The following TBCK variants were observed in gnomAD, a reference collection of about 807,000 sequenced individuals.
TBCK encodes TBC1 domain containing kinase, also known as TBC domain-containing protein kinase-like protein.
In TBCK, 99 loss-of-function variants were observed where a neutral mutation model predicts 113.4. That is an observed-to-expected ratio of 0.87 (90% CI 0.74 to 1.03). The LOEUF (loss-of-function observed/expected upper bound fraction) is 1.03, where lower values mean the gene tolerates loss of function less well. TBCK is among the 50% of genes least tolerant of loss of function. The pLI is 0.00. For missense variants in TBCK, 1,045 were observed against 1,061.3 expected, an observed-to-expected ratio of 0.98 and a Z score of 0.21; for synonymous variants, 369 against 370.8, an observed-to-expected ratio of 1.00 and a Z score of 0.05.
intron 24 of TBCK, among the ~76,000 whole-genome samples, chr4:106,098,938 CACAG>C (rs1290482275): frequency 1.3e-5 from 2 of 151,978 alleles, no homozygotes; most frequent in Non-Finnish European, 2.9e-5. Context: ...TAGCCCAATG[CACAG>C]ACAGATTTAA....
At chr4:106,123,499 C>T (rs1250536654) in intron 23 of TBCK, among the ~76,000 whole-genome samples, 1 of 152,178 alleles carries the variant, frequency 6.6e-6, no homozygotes, top group African/African-American at 2.4e-5. Flanking sequence ...CAATGACTTT[C>T]TTCACAGAAT....
At chr4:106,289,868 T>G (rs183705708) in intron 3 of TBCK, among the ~76,000 whole-genome samples, 1 of 152,098 alleles carries the variant, frequency 6.6e-6, no homozygotes, top group South Asian at 2.1e-4. Context: ...TACAATGATC[T>G]CTCAATCAGT....
intron 23 of TBCK, among the ~76,000 whole-genome samples, chr4:106,133,014 C>A (rs941797780): frequency 6.6e-6 from 1 of 152,166 alleles, no homozygotes; most frequent in Non-Finnish European, 1.5e-5. Context: ...AGACTTTGGA[C>A]TGTGGACTTT....
intron 25 of TBCK, among the ~76,000 whole-genome samples, chr4:106,094,519 G>T (rs1201844026): frequency 6.6e-6 from 1 of 152,140 alleles, no homozygotes; most frequent in African/African-American, 2.4e-5. Context: ...AAAAAATAAA[G>T]TTTTAAAGTT....
chr4:106,241,693 T>C (rs1760160647), intron 12 of TBCK, among the ~76,000 whole-genome samples: 5 of 151,938 alleles, frequency 3.3e-5, no homozygotes, highest in Admixed American at 6.6e-5. Context: ...AAATATGATA[T>C]TGGATACCTT....
At chr4:106,089,235 A>G (rs781133986) in intron 25 of TBCK, among the ~76,000 whole-genome samples, 6 of 152,016 alleles carry the variant, frequency 3.9e-5, no homozygotes, top group Non-Finnish European at 7.4e-5. Flanking sequence ...GCTCCTTTAA[A>G]CCATCAACTC....
At chr4:106,106,516 T>A (rs369975484) in intron 24 of TBCK, among the ~76,000 whole-genome samples, 6 of 152,134 alleles carry the variant, frequency 3.9e-5, no homozygotes, top group African/African-American at 1.4e-4. Context: ...AAAAAATCTT[T>A]AACCAAGAAT....
Position 106,262,133 on chromosome 4 carries a change from C to T in TBCK, c.346G>A (p.Ala116Thr). The change falls in exon 4 of 26, where the codon GCA becomes ACA. Residue 116 changes from alanine (A) to threonine (T), a missense_variant. Ala to Thr is a moderately conservative substitution (Grantham distance 58). Transcript: ENST00000394708. Reference protein sequence around the residue: ...YMNKHGIVHRALSPHNILLDR... With the variant: ...YMNKHGIVHRTLSPHNILLDR... ...AACAGGATATTATGAGGAGACAATGCCCTGTGTACTATACCATGTTTGTTC... is the reference window on the plus strand; with the variant it reads ...AACAGGATATTATGAGGAGACAATGTCCTGTGTACTATACCATGTTTGTTC... 1 of 1,545,070 alleles carries T rather than the reference C, an allele frequency of 6.5e-7. No individual in the cohort carries two copies. Among genetic ancestry groups the T allele is most frequent in the Non-Finnish European group, 8.8e-7 (1 of 1,142,752 alleles).
chr4:106,067,917 G>A (rs1231928555), intron 25 of TBCK, among the ~76,000 whole-genome samples: 2 of 152,074 alleles, frequency 1.3e-5, no homozygotes, highest in Non-Finnish European at 2.9e-5. Flanking sequence ...AAATCAAGAA[G>A]TATGAGTCCT....
In TBCK at chr4:106,045,746, A is replaced by AGAT. The variant is rs1734164041; in HGVS notation, c.*821_*823dup. ...CTCCTTCCCTCATTCTCTTCCTTCT[A>AGAT]GATAGCAGATGTGATGGTAGAAGCT... On this transcript the variant is annotated 3_prime_UTR_variant, in exon 26 of 26. Transcript: ENST00000394708. 6.6e-6 allele frequency: 1 copy of AGAT among 151,276 alleles called. No individual in the cohort carries two copies. The highest frequency in any genetic ancestry group is 2.4e-5 in the African/African-American group (1 of 41,044). The allele number at this position is 151,276 out of a possible 1,614,324, so 9.4% of individuals were successfully genotyped here. A position where few individuals can be genotyped will look rare whatever the true frequency, so the allele number is the denominator to read the frequency against.
intron 19 of TBCK, 69 bp downstream of exon 19, chr4:106,230,294 A>T: frequency 1.0e-6 from 1 of 972,158 alleles, no homozygotes; most frequent in East Asian, 2.7e-5. Context: ...AAATTTAATC[A>T]AATATTACAT....
chr4:106,160,167 A>C (rs1332441315), intron 23 of TBCK, among the ~76,000 whole-genome samples: 1 of 152,102 alleles, frequency 6.6e-6, no homozygotes, highest in Non-Finnish European at 1.5e-5. Context: ...AAAAACTTTA[A>C]GACTCTTAGA....
At chr4:106,297,109 A>T (rs147178090) in intron 2 of TBCK, among the ~76,000 whole-genome samples, 516 of 152,254 alleles carry the variant, frequency 3.4e-3, no homozygotes, top group Non-Finnish European at 4.3e-3. Flanking sequence ...CCAAATTGAA[A>T]TGCTACCAGT....
At chr4:106,089,835 G>C (rs759398005) in intron 25 of TBCK, among the ~76,000 whole-genome samples, 1 of 152,204 alleles carries the variant, frequency 6.6e-6, no homozygotes, top group Non-Finnish European at 1.5e-5. Context: ...TGAAGGCCTT[G>C]GACAGGTTTG....
chr4:106,076,333 CACTAT>C (rs1275354122), intron 25 of TBCK, among the ~76,000 whole-genome samples: 1 of 152,146 alleles, frequency 6.6e-6, no homozygotes, highest in Non-Finnish European at 1.5e-5. Context: ...AGTGTATCTG[CACTAT>C]AATTGAAAGT....
At chr4:106,272,720 C>T (rs547039857) in intron 3 of TBCK, among the ~76,000 whole-genome samples, 1 of 152,020 alleles carries the variant, frequency 6.6e-6, no homozygotes, top group South Asian at 2.1e-4. Flanking sequence ...TGGTCTCAAT[C>T]TCCTGACCTC....
intron 22 of TBCK, among the ~76,000 whole-genome samples, chr4:106,186,369 T>C (rs1025839843): frequency 3.9e-5 from 6 of 152,150 alleles, no homozygotes; most frequent in African/African-American, 1.4e-4. Context: ...AAGGGTTCCC[T>C]TTTCCTTGCA....
intron 3 of TBCK, among the ~76,000 whole-genome samples, chr4:106,267,601 A>G (rs946919322): frequency 1.3e-5 from 2 of 152,058 alleles, no homozygotes; most frequent in Non-Finnish European, 2.9e-5. Flanking sequence ...TACAAAAGTC[A>G]TAAATCTTGG....
intron 3 of TBCK, among the ~76,000 whole-genome samples, chr4:106,275,816 C>T (rs1037938603): frequency 1.3e-5 from 2 of 152,036 alleles, no homozygotes; most frequent in Admixed American, 6.5e-5. Flanking sequence ...TAGTGGAAGA[C>T]TCAATATTTT....
Sources: allele counts gnomAD v4.1 joint callset (sites outside exome capture counted in the v4.1 genomes callset), GRCh38; gene constraint gnomAD v4.1.1; transcripts MANE v1.5; gene names NCBI Gene and HGNC (gene_info 2026-07-23, HGNC 2026-07-21).